SZT2: variants seen among roughly 807,000 people sequenced by gnomAD.
The protein encoded by SZT2 is KICSTOR complex protein SZT2.
Under a neutral mutation model 404.2 loss-of-function variants are expected in SZT2, and 216 were observed. That is an observed-to-expected ratio of 0.53 (90% CI 0.48 to 0.60). SZT2 has a LOEUF of 0.60. Ranked by LOEUF, SZT2 falls within the 20% of genes least tolerant of loss-of-function variation. The pLI, the probability that SZT2 is intolerant of heterozygous loss-of-function variation, is 0.00. For synonymous variants in SZT2, 1,693 were observed against 1,749.9 expected (o/e 0.97, Z 0.81); for missense variants, 3,857 against 4,459.2 (o/e 0.86, Z 3.85).
intron 4 of SZT2, 175 bp downstream of exon 4, chr1:43,404,725 C>T (rs940116821): frequency 9.7e-6 from 6 of 617,316 alleles, no homozygotes; most frequent in African/African-American, 7.4e-5. Context: ...GAACCAGTTC[C>T]TCTGGACTTA....
At position 43,432,807 on chromosome 1, in the gene SZT2, G is replaced by A. The variant is rs1239461046; in HGVS notation, c.5602+8G>A. ...TGGACTCAGACCACCTAGGTAAGCTGGGGGGACGGGGTGAAGGACTCTAAG... is the reference window on the plus strand; with the variant it reads ...TGGACTCAGACCACCTAGGTAAGCTAGGGGGACGGGGTGAAGGACTCTAAG... On this transcript the variant is annotated splice_region_variant and intron_variant, in intron 39 of 71. Coordinates refer to ENST00000634258, the MANE Select transcript of SZT2 (RefSeq NM_001365999.1). 1 of 1,613,120 alleles carries A rather than the reference G, an allele frequency of 6.2e-7. No individual in the cohort carries two copies.
rs1656427633 is a variant in SZT2 at position 43,451,577 on chromosome 1, G to A, written c.*1097G>A. 6.2e-7 allele frequency: 1 copy of A among 1,613,486 alleles called. No homozygotes were observed. The highest frequency in any genetic ancestry group is 1.7e-5 in the Admixed American group (1 of 59,978). On this transcript the variant is annotated 3_prime_UTR_variant, in exon 72 of 72. Transcript: ENST00000634258. The stretch of plus-strand genomic sequence containing the variant: ...CAGATGTGGACAAATGTGGGGTCCA[G>A]GCTCCTGCCAGGGCCTGAAGGACAG...
In SZT2 at chr1:43,426,359, G is replaced by C; in HGVS notation, c.3044-9G>C. 1 of 1,536,808 alleles carries C rather than the reference G, an allele frequency of 6.5e-7. No homozygotes were observed. The highest frequency in any genetic ancestry group is 8.7e-7 in the Non-Finnish European group (1 of 1,143,996). On this transcript the variant is annotated splice_polypyrimidine_tract_variant and intron_variant, in intron 21 of 71. Transcript: ENST00000634258. This position sits in a 1 kb window ranked among gnomAD's most constrained non-coding sequence, Gnocchi z 4.9. ...GCTCTTGGTGCTGAGCAGAGTGTGTGTCGGGCAGAGCCAGAGGGTGTCCCT... is the reference window on the plus strand; with the variant it reads ...GCTCTTGGTGCTGAGCAGAGTGTGTCTCGGGCAGAGCCAGAGGGTGTCCCT...
In SZT2 at chr1:43,428,288, T is replaced by C; in HGVS notation, c.3968T>C (p.Leu1323Ser). The C allele has an allele frequency of 6.2e-7, 1 of 1,614,188 alleles. No individual in the cohort carries two copies. The highest frequency in any genetic ancestry group is 8.5e-7 in the Non-Finnish European group (1 of 1,180,038). The change falls in exon 28 of 72, where the codon TTG (leucine) becomes TCG (serine). Residue 1323 changes from leucine to serine, a missense_variant. Leu to Ser is a moderately radical substitution (Grantham distance 145). Around this residue, in one of 7 missense-constraint regions of SZT2, gnomAD observed 1,725 missense variants for 1,881.0 expected, o/e 0.92. Transcript: ENST00000634258. ...GCACAGAGTGTGACCTCCCAGGATT[T>C]GCTGACAGCGGTAGATGCCTGTGAG... ...QQAQSVTSQD[L>S]LTAVDACEEL...
Position 43,439,341 on chromosome 1 carries a change from G to A in SZT2, c.6793-17G>A, listed in dbSNP as rs1654813572. 6.2e-7 allele frequency: 1 copy of A among 1,613,676 alleles called. No homozygotes were observed. The highest frequency in any genetic ancestry group is 8.5e-7 in the Non-Finnish European group (1 of 1,179,712). ...CATTTGCTTGCTCTTAGTGCTCTGT[G>A]GCTGTTCTTTCCCCAGCATCCACTC... On this transcript the variant is annotated splice_polypyrimidine_tract_variant and intron_variant, in intron 48 of 71. Transcript: ENST00000634258. The surrounding 1 kb of genome is among the most constrained non-coding windows in gnomAD (Gnocchi z 4.2).
At position 43,447,058 on chromosome 1, in the gene SZT2, T is replaced by A. The variant is rs1346209039; in HGVS notation, c.9176T>A (p.Leu3059Gln). ...CTGCGCCTCGTGCATCAGCACGTGC[T>A]AGGTGCCCATCTGGTGCTGCGGCAC... Reference protein sequence around the residue: ...FHLRLVHQHVLGAHLVLRHGY... With the variant: ...FHLRLVHQHVQGAHLVLRHGY... Residue 3059 changes from leucine to glutamine, a missense_variant, in exon 66 of 72, where the codon CTA becomes CAA. By Grantham distance (113) the Leu-to-Gln change is moderately radical. Coordinates refer to ENST00000634258, the MANE Select transcript of SZT2 (RefSeq NM_001365999.1). The A allele has an allele frequency of 1.2e-6, 2 of 1,613,862 alleles. No individual in the cohort carries two copies. The highest frequency in any genetic ancestry group is 1.7e-6 in the Non-Finnish European group (2 of 1,180,022).
At chr1:43,422,701 C>T (rs1452783799) in intron 13 of SZT2, 68 bp from the exon 14 acceptor site, 1 of 1,261,632 alleles carries the variant, frequency 7.9e-7, no homozygotes, top group Non-Finnish European at 1.0e-6. Context: ...ATGTCTCCCT[C>T]TAACCCCAGA....
In SZT2 at chr1:43,390,037, G is replaced by A; in HGVS notation, c.27+42G>A. The A allele has an allele frequency of 3.6e-6, 5 of 1,375,314 alleles. No individual in the cohort carries two copies. In the South Asian group the frequency reaches 8.2e-5, roughly 22 times the overall value. The allele number at this position is 1,375,314 out of a possible 1,614,324, so 85.2% of individuals were successfully genotyped here. ...CGCAGCACTGGGCCCCGAGATCCGA[G>A]GGGGAGGGTCCGGCGGGCAGGCGTG... On this transcript the variant is annotated intron_variant, in intron 1 of 71. Coordinates refer to ENST00000634258, the MANE Select transcript of SZT2 (RefSeq NM_001365999.1).
chr1:43,442,319 GA>G lies in SZT2; in HGVS notation c.7928del (p.Asn2643MetfsTer10). 6.2e-7 allele frequency: 1 copy of G among 1,614,138 alleles called. No homozygotes were observed. The highest frequency in any genetic ancestry group is 8.5e-7 in the Non-Finnish European group (1 of 1,180,004). On this transcript the variant is annotated frameshift_variant, in exon 57 of 72. Transcript: ENST00000634258. LOFTEE classifies it high-confidence loss of function. This position sits in a 1 kb window ranked among gnomAD's most constrained non-coding sequence, Gnocchi z 4.5. Reference protein sequence around the residue: ...FEPGGDGSSGRNAPRQRLLLL... With the variant: ...FEPGGDGSSGXNAPRQRLLLL... ...CCAGGAGGTGATGGGAGCTCAGGGC[GA>G]AATGCTCCCCGGCAGAGGCTCTTGC...
rs1656622804 is a variant in SZT2, at chr1:43,453,137, C to T, written c.*2657C>T. On this transcript the variant is annotated 3_prime_UTR_variant, in exon 72 of 72. Transcript: ENST00000634258. ...ATGCATCACTGTATATATTTACTCT[C>T]CTATCTGCCTAGGCAGACTGAGCTC... The T allele has an allele frequency of 5.8e-6, 4 of 691,148 alleles. No homozygotes were observed. The highest frequency in any genetic ancestry group is 3.4e-5 in the South Asian group (2 of 59,152). 42.8% of individuals were successfully genotyped at this position (691,148 alleles called of 1,614,324 possible).
intron 1 of SZT2, among the ~76,000 whole-genome samples, chr1:43,391,255 G>A (rs924587585): frequency 6.6e-6 from 1 of 151,614 alleles, no homozygotes; most frequent in South Asian, 2.1e-4. Flanking sequence ...TGGAGGTTGC[G>A]ATGAGCTGAG....
rs566879731 is a variant in SZT2 at position 43,437,151 on chromosome 1, C to T, written c.6035-20C>T. The T allele has an allele frequency of 6.1e-5, 98 of 1,613,274 alleles. 2 individuals carry two copies. The South Asian group carries it at 1.0e-3, about 16-fold the overall frequency. ...GAGGGTGGTGTGTCCCATTTCTAATCCCTGCTCCCCCTCACCCAGATTATG... is the reference window on the plus strand; with the variant it reads ...GAGGGTGGTGTGTCCCATTTCTAATTCCTGCTCCCCCTCACCCAGATTATG... On this transcript the variant is annotated intron_variant, in intron 42 of 71. Coordinates refer to ENST00000634258, the MANE Select transcript of SZT2 (RefSeq NM_001365999.1). This position sits in a 1 kb window ranked among gnomAD's most constrained non-coding sequence, Gnocchi z 5.3.
Position 43,443,980 on chromosome 1 carries a change from C to G in SZT2, c.8825+184C>G, listed in dbSNP as rs76310999. Among the ~76,000 whole-genome samples the G allele has an allele frequency of 9.5e-3, 1,454 of 152,304 alleles. 22 individuals are homozygous for G. Among genetic ancestry groups the G allele is most frequent in the African/African-American group, 0.032 (1,343 of 41,558 alleles). ...ACTTTCACACAGCCCTCATGCGTGT[C>G]CTGCAGACCTTGTATGCTTTATGGA... is the stretch of plus-strand genomic sequence containing the variant. On this transcript the variant is annotated intron_variant, in intron 62 of 71. Coordinates refer to ENST00000634258, the MANE Select transcript of SZT2 (RefSeq NM_001365999.1).
Position 43,441,336 on chromosome 1 carries a change from A to G in SZT2, c.7467A>G (p.Gly2489=), listed in dbSNP as rs750233773. 1 of 1,614,146 alleles carries G rather than the reference A, an allele frequency of 6.2e-7. No individual in the cohort carries two copies. The highest frequency in any genetic ancestry group is 1.7e-5 in the Admixed American group (1 of 60,028). The change falls in exon 53 of 72, where the codon GGA becomes GGG. Residue 2489 remains glycine (G), a synonymous_variant. Transcript: ENST00000634258. This position sits in a 1 kb window ranked among gnomAD's most constrained non-coding sequence, Gnocchi z 4.8. ...HKTESVRTPG[G]AERAPGSDSG... ...CCGAGAGTGTTCGGACTCCTGGTGG[A>G]GCTGAGCGGGCGCCAGGCTCAGATT... is the stretch of plus-strand genomic sequence containing the variant.
chr1:43,446,895 G>A (rs908333863), intron 65 of SZT2, 60 bp from the exon 66 acceptor site: 5 of 1,536,690 alleles, frequency 3.3e-6, no homozygotes, highest in African/African-American at 1.4e-5. Flanking sequence ...GGAGGGAAAT[G>A]TGTTTTGGGC....
At chr1:43,391,071 C>G (rs557922490) in intron 1 of SZT2, among the ~76,000 whole-genome samples, 8 of 152,136 alleles carry the variant, frequency 5.3e-5, no homozygotes, top group Non-Finnish European at 8.8e-5. Flanking sequence ...AATCCCAACA[C>G]TGGGAGGCCG....
chr1:43,425,305 C>G lies in SZT2; in HGVS notation c.2645+98C>G. 6.5e-7 allele frequency: 1 copy of G among 1,537,696 alleles called. No individual in the cohort carries two copies. Among genetic ancestry groups the G allele is most frequent in the South Asian group, 1.2e-5 (1 of 84,096 alleles). On this transcript the variant is annotated intron_variant, in intron 18 of 71. Transcript: ENST00000634258. This position sits in a 1 kb window ranked among gnomAD's most constrained non-coding sequence, Gnocchi z 4.3. ...TCCCATATCCTGAGATGATCTTGAT[C>G]CCAAAGTCAGGGAGGGGGTGCGGTG...
chr1:43,415,307 AAG>A, intron 5 of SZT2, 94 bp downstream of exon 5: 1 of 1,488,812 alleles, frequency 6.7e-7, no homozygotes. Flanking sequence ...TAGGGCAAAA[AAG>A]GGCTAAGAGC....
intron 4 of SZT2, chr1:43,406,800 C>A (rs1275252576): frequency 6.6e-6 from 1 of 152,244 alleles, no homozygotes; most frequent in Non-Finnish European, 1.5e-5. Flanking sequence ...CCTTTCTGTG[C>A]ATCTGTGACC....
Sources: allele counts gnomAD v4.1 joint callset (sites outside exome capture counted in the v4.1 genomes callset), GRCh38; gene constraint gnomAD v4.1.1; regional missense constraint gnomAD v4.1.1; non-coding constraint Gnocchi (gnomAD v3.1); transcripts MANE v1.5; gene names NCBI Gene and HGNC (gene_info 2026-07-23, HGNC 2026-07-21).